Variants in POLR3K observed in about 807,000 individuals in gnomAD.
The protein encoded by POLR3K is DNA-directed RNA polymerase III subunit RPC10.
A neutral mutation model predicts 13.5 loss-of-function variants in POLR3K; 11 were observed. The observed-to-expected ratio is 0.81, with a 90% CI of 0.51 to 1.35. POLR3K has a LOEUF of 1.35. Ranked by LOEUF, POLR3K falls within the 40% of genes most tolerant of loss-of-function variation. The pLI, the probability that POLR3K is intolerant of heterozygous loss-of-function variation, is 0.00. For synonymous variants in POLR3K, 56 were observed against 51.5 expected (o/e 1.09, Z -0.38); for missense variants, 144 against 145.3 (o/e 0.99, Z 0.05).
chr16:47,337 A>G lies in POLR3K; in HGVS notation c.*93T>C. On this transcript the variant is annotated 3_prime_UTR_variant, in exon 3 of 3. Coordinates refer to ENST00000293860, the MANE Select transcript of POLR3K (RefSeq NM_016310.5). ...GTTTATCTTTCCACCACACTAGCAA[A>G]GACCCTCAGGACACACAACTCATAC... is the stretch of plus-strand genomic sequence containing the variant. 1 of 1,471,678 alleles carries G rather than the reference A, an allele frequency of 6.8e-7. No homozygotes were observed. Among genetic ancestry groups the G allele is most frequent in the South Asian group, 1.3e-5 (1 of 78,588 alleles). The allele number at this position is 1,471,678 out of a possible 1,614,324, so 91.2% of individuals were successfully genotyped here. A position where few individuals can be genotyped will look rare whatever the true frequency, so the allele number is the denominator to read the frequency against.
chr16:47,736 C>T (rs565783113), intron 2 of POLR3K, among the ~76,000 whole-genome samples, 179 bp from the exon 3 acceptor site: 1 of 149,808 alleles, frequency 6.7e-6, no homozygotes, highest in African/African-American at 2.5e-5. Flanking sequence ...ACAAAATTAG[C>T]CAGGCGTGGT....
intron 1 of POLR3K, among the ~76,000 whole-genome samples, chr16:52,772 A>T (rs1365624344): frequency 0.029 from 1,931 of 67,382 alleles, 132 homozygotes; most frequent in African/African-American, 0.1. Flanking sequence ...TCTCAAAAAA[A>T]AAAAAAAAAA....
rs755114258 is a variant in POLR3K at position 53,457 on chromosome 16, G to A, written c.111+19C>T. ...CCTGCGAGAGTCGCCCGCGCCCAGC[G>A]CCGGCCTTCGGGTCCCACCTTGCGG... On this transcript the variant is annotated intron_variant, in intron 1 of 2. Transcript: ENST00000293860. 1.2e-5 allele frequency: 19 copies of A among 1,598,116 alleles called. No individual in the cohort carries two copies. The highest frequency in any genetic ancestry group is 1.2e-5 in the Non-Finnish European group (14 of 1,171,504).
Position 47,279 on chromosome 16 carries a change from A to G in POLR3K, c.*151T>C. On this transcript the variant is annotated 3_prime_UTR_variant, in exon 3 of 3. Coordinates refer to ENST00000293860, the MANE Select transcript of POLR3K (RefSeq NM_016310.5). ...CCACCCTGCCTGGCAGATAGGCCAT[A>G]TTTCCTGACCCCCTGGCTCTTCACC... is the stretch of plus-strand genomic sequence containing the variant. 9.8e-7 allele frequency: 1 copy of G among 1,023,876 alleles called. No homozygotes were observed. Among genetic ancestry groups the G allele is most frequent in the Non-Finnish European group, 1.3e-6 (1 of 742,906 alleles). The allele number at this position is 1,023,876 out of a possible 1,614,324, so 63.4% of individuals were successfully genotyped here. A position where few individuals can be genotyped will look rare whatever the true frequency, so the allele number is the denominator to read the frequency against.
At position 53,496 on chromosome 16, in the gene POLR3K, C is replaced by T; in HGVS notation, c.91G>A (p.Val31Met). The T allele has an allele frequency of 6.2e-7, 1 of 1,612,476 alleles. No homozygotes were observed. The stretch of plus-strand genomic sequence containing the variant: ...CCCACCTTGCGGGTGATGTTGTGCA[C>T]GTAGGGGCACGTGTTGCAGGCGAAG... ...HRFACNTCPYVHNITRKVTNR... is the reference protein window; with the variant it reads ...HRFACNTCPYMHNITRKVTNR... Residue 31 changes from valine to methionine, a missense_variant, in exon 1 of 3, where the codon GTG (valine) becomes ATG (methionine). Transcript: ENST00000293860.
intron 2 of POLR3K, among the ~76,000 whole-genome samples, chr16:49,220 C>T (rs1234412991): frequency 6.6e-6 from 1 of 151,964 alleles, no homozygotes; most frequent in East Asian, 1.9e-4. Flanking sequence ...CAACAGATCA[C>T]CTGAGGTCGG....
At chr16:52,676 G>A (rs1258875291) in intron 1 of POLR3K, among the ~76,000 whole-genome samples, 5 of 147,602 alleles carry the variant, frequency 3.4e-5, no homozygotes, top group Non-Finnish European at 7.4e-5. Context: ...TGAGGCAGGA[G>A]AGTGGCGTGA....
At chr16:50,437 T>C (rs1227935895) in intron 2 of POLR3K, among the ~76,000 whole-genome samples, 1 of 152,238 alleles carries the variant, frequency 6.6e-6, no homozygotes, top group Non-Finnish European at 1.5e-5. Flanking sequence ...TGGTATTAAC[T>C]TCTAAAAATC....
In POLR3K at chr16:51,636, G is replaced by C. The variant is rs1432006875; in HGVS notation, c.121C>G (p.Arg41Gly). Residue 41 changes from arginine to glycine, a missense_variant, in exon 2 of 3, where the codon CGG becomes GGG. Coordinates refer to ENST00000293860, the MANE Select transcript of POLR3K (RefSeq NM_016310.5). ...VHNITRKVTN[R>G]KYPKLKEVDD... The stretch of plus-strand genomic sequence containing the variant: ...ACTTCTTTCAGTTTTGGGTACTTCC[G>C]ATTTGTTACCTAACAAAAACAACAC... 1.2e-6 allele frequency: 2 copies of C among 1,613,730 alleles called. No individual in the cohort carries two copies. The highest frequency in any genetic ancestry group is 1.7e-5 in the Admixed American group (1 of 60,002).
rs1201019582 is a variant in POLR3K, at chr16:47,263, C to T, written c.*167G>A. ...ACATTCATGACTTCATCCACCCTGCCTGGCAGATAGGCCATATTTCCTGAC... is the reference window on the plus strand; with the variant it reads ...ACATTCATGACTTCATCCACCCTGCTTGGCAGATAGGCCATATTTCCTGAC... On this transcript the variant is annotated 3_prime_UTR_variant, in exon 3 of 3. Transcript: ENST00000293860. 1 of 804,956 alleles carries T rather than the reference C, an allele frequency of 1.2e-6. No homozygotes were observed. The highest frequency in any genetic ancestry group is 1.8e-6 in the Non-Finnish European group (1 of 555,158). The allele number at this position is 804,956 out of a possible 1,614,324, so 49.9% of individuals were successfully genotyped here.
rs1449793822 is a variant in POLR3K at position 47,016 on chromosome 16, A to T, written c.*414T>A. On this transcript the variant is annotated 3_prime_UTR_variant, in exon 3 of 3. Transcript: ENST00000293860. ...CTTTCATTTAAATGAAATATTCAGA[A>T]TTTTGATTAAAATAAATAATAAATT... 6.6e-6 allele frequency: 1 copy of T among 152,482 alleles called. No individual in the cohort carries two copies. Among genetic ancestry groups the T allele is most frequent in the East Asian group, 1.9e-4 (1 of 5,216 alleles). The allele number at this position is 152,482 out of a possible 1,614,324, so 9.4% of individuals were successfully genotyped here. A position where few individuals can be genotyped will look rare whatever the true frequency, so the allele number is the denominator to read the frequency against.
rs139339550 is a variant in POLR3K at position 53,416 on chromosome 16, C to T, written c.111+60G>A. The stretch of plus-strand genomic sequence containing the variant: ...GGGCTGGCGGCGATGGAGCAGCAGT[C>T]GGAGGACGCGGAAGGCCTGCGAGAG... On this transcript the variant is annotated intron_variant, in intron 1 of 2. Coordinates refer to ENST00000293860, the MANE Select transcript of POLR3K (RefSeq NM_016310.5). 7.1e-3 allele frequency: 10,911 copies of T among 1,536,064 alleles called. 54 individuals are homozygous for T. Among genetic ancestry groups the T allele is most frequent in the Non-Finnish European group, 8.8e-3 (10,049 of 1,143,632 alleles).
chr16:53,416 C>A (rs139339550), intron 1 of POLR3K, 60 bp downstream of exon 1: 85 of 1,536,080 alleles, frequency 5.5e-5, no homozygotes, highest in Non-Finnish European at 7.4e-5. Flanking sequence ...GAGCAGCAGT[C>A]GGAGGACGCG....
At position 53,602 on chromosome 16, in the gene POLR3K, A is replaced by C. The variant is rs779703723; in HGVS notation, c.-16T>G. The stretch of plus-strand genomic sequence containing the variant: ...ACAGCAGCATGGTCTCGAACTCCGC[A>C]GGCTCCAACTCCCGGCAGCTCCCAC... On this transcript the variant is annotated 5_prime_UTR_variant, in exon 1 of 3. Transcript: ENST00000293860. The C allele has an allele frequency of 3.7e-6, 6 of 1,601,370 alleles. No homozygotes were observed. The highest frequency in any genetic ancestry group is 4.5e-5 in the East Asian group (2 of 44,290).
In POLR3K at chr16:47,350, A is replaced by G. The variant is rs2141832672; in HGVS notation, c.*80T>C. ...CCACACTAGCAAAGACCCTCAGGAC[A>G]CACAACTCATACTGCCAGCTAAGCA... On this transcript the variant is annotated 3_prime_UTR_variant, in exon 3 of 3. Coordinates refer to ENST00000293860, the MANE Select transcript of POLR3K (RefSeq NM_016310.5). The G allele has an allele frequency of 6.5e-7, 1 of 1,534,994 alleles. No individual in the cohort carries two copies. The highest frequency in any genetic ancestry group is 8.9e-7 in the Non-Finnish European group (1 of 1,128,718).
chr16:53,573 C>A lies in POLR3K; in HGVS notation c.14G>T (p.Cys5Phe). 1 of 1,612,528 alleles carries A rather than the reference C, an allele frequency of 6.2e-7. No individual in the cohort carries two copies. Among genetic ancestry groups the A allele is most frequent in the East Asian group, 2.2e-5 (1 of 44,696 alleles). MLLF[C>F]PGCGNGLIVE... ...GATCAGCCCGTTCCCGCAGCCGGGG[C>A]AGAACAGCAGCATGGTCTCGAACTC... is the stretch of plus-strand genomic sequence containing the variant. Residue 5 changes from cysteine to phenylalanine, a missense_variant, in exon 1 of 3, where the codon TGC (cysteine) becomes TTC (phenylalanine). Coordinates refer to ENST00000293860, the MANE Select transcript of POLR3K (RefSeq NM_016310.5).
At chr16:51,753 G>A in intron 1 of POLR3K, 108 bp from the exon 2 acceptor site, 1 of 839,166 alleles carries the variant, frequency 1.2e-6, no homozygotes, top group South Asian at 1.5e-5. Flanking sequence ...GGGCGTGGTG[G>A]CTGACACCTG....
chr16:52,897 A>G (rs995694909), intron 1 of POLR3K: 1 of 152,538 alleles, frequency 6.6e-6, no homozygotes, highest in Admixed American at 6.5e-5. Flanking sequence ...ATAAATTGGA[A>G]GGAGGGGCTG....
intron 1 of POLR3K, among the ~76,000 whole-genome samples, chr16:52,795 A>AAC (rs1301989386): frequency 1.5e-4 from 4 of 26,786 alleles, no homozygotes; most frequent in African/African-American, 5.1e-4. Flanking sequence ...AAAAAAAAAA[A>AAC]CAATAAAAAA....
Sources: gnomAD v4.1 joint callset for allele counts (sites outside exome capture counted in the v4.1 genomes callset) on GRCh38, gnomAD v4.1.1 for gene constraint, MANE v1.5 for transcripts, NCBI Gene and HGNC (gene_info 2026-07-23, HGNC 2026-07-21) for gene names.